The following ATG5 variants were observed in gnomAD, a reference collection of about 807,000 sequenced individuals.
ATG5 encodes autophagy protein 5.
In ATG5, 14 loss-of-function variants were observed where a neutral mutation model predicts 36.5. The ratio of observed to expected loss-of-function variants is 0.38; its 90% CI spans 0.25 to 0.60. The LOEUF is 0.60. Ranked by LOEUF, ATG5 falls within the 20% of genes least tolerant of loss-of-function variation. The pLI, the probability that ATG5 is intolerant of heterozygous loss-of-function variation, is 0.60. For missense variants in ATG5, 195 were observed against 326.7 expected, an observed-to-expected ratio of 0.60 and a Z score of 3.11; for synonymous variants, 95 against 101.5, an observed-to-expected ratio of 0.94 and a Z score of 0.38.
intron 5 of ATG5, among the ~76,000 whole-genome samples, chr6:106,256,834 T>A (rs1778819589): frequency 6.6e-6 from 1 of 152,192 alleles, no homozygotes; most frequent in South Asian, 2.1e-4. Flanking sequence ...ATTACTATAC[T>A]CTACTGTAGA....
chr6:106,226,634 T>G (rs1240774692), intron 6 of ATG5, among the ~76,000 whole-genome samples: 2 of 152,258 alleles, frequency 1.3e-5, no homozygotes, highest in Non-Finnish European at 2.9e-5. Context: ...TAGTTCTGTC[T>G]GGTCTAGAAC....
rs76436532 is a variant in ATG5, at chr6:106,242,629, C to CAA, written c.573+5519_573+5520dup. Among the ~76,000 whole-genome samples the CAA allele has an allele frequency of 2.6e-5, 4 of 151,282 alleles. No individual in the cohort carries two copies. The East Asian group carries it at 7.8e-4, about 29-fold the overall frequency. On this transcript the variant is annotated intron_variant, in intron 6 of 7. Transcript: ENST00000369076. ...GGAAAAATACTATAAATAACAACAA[C>CAA]AAAAAAAACACCTCAAGCAACTTAC...
chr6:106,268,295 C>G (rs1007838917), intron 5 of ATG5, among the ~76,000 whole-genome samples: 13 of 152,144 alleles, frequency 8.5e-5, no homozygotes, highest in Admixed American at 8.5e-4. Flanking sequence ...CTTCACTGAT[C>G]ATTAGAGAAA....
At chr6:106,231,914 G>C (rs1014473611) in intron 6 of ATG5, among the ~76,000 whole-genome samples, 11 of 152,162 alleles carry the variant, frequency 7.2e-5, no homozygotes, top group African/African-American at 2.7e-4. Flanking sequence ...GGAAAAGCTA[G>C]GCAAATCAAA....
chr6:106,213,695 TTGGTTGGAA>T (rs1776938100), intron 6 of ATG5, among the ~76,000 whole-genome samples: 1 of 152,128 alleles, frequency 6.6e-6, no homozygotes, highest in East Asian at 1.9e-4. Context: ...TAACAAAGGT[TTGGTTGGAA>T]TCCCAACTCC....
chr6:106,186,769 T>C (rs757282744), intron 7 of ATG5, 93 bp from the exon 8 acceptor site: 1 of 1,413,688 alleles, frequency 7.1e-7, no homozygotes, highest in Non-Finnish European at 9.7e-7. Context: ...GTGCATTAAA[T>C]GGATTTTAAA....
At chr6:106,260,948 C>T (rs537004642) in intron 5 of ATG5, among the ~76,000 whole-genome samples, 3 of 152,268 alleles carry the variant, frequency 2.0e-5, no homozygotes, top group South Asian at 4.1e-4. Flanking sequence ...CAAATGATTT[C>T]TAGGCTTTTG....
At chr6:106,219,672 A>G (rs1380176627) in intron 6 of ATG5, among the ~76,000 whole-genome samples, 2 of 152,134 alleles carry the variant, frequency 1.3e-5, no homozygotes, top group African/African-American at 2.4e-5. Context: ...GAATTTGGTA[A>G]CCCAGGGAGG....
chr6:106,323,021 G>A (rs191416354), intron 1 of ATG5, among the ~76,000 whole-genome samples: 1,683 of 152,032 alleles, frequency 0.011, 16 homozygotes, highest in African/African-American at 0.02. Context: ...CCGGGTTCAT[G>A]CCATTCTCCT....
chr6:106,268,492 G>A (rs1183019427), intron 5 of ATG5, among the ~76,000 whole-genome samples: 1 of 152,156 alleles, frequency 6.6e-6, no homozygotes, highest in Non-Finnish European at 1.5e-5. Context: ...TCTACAGCCA[G>A]AAATACCATT....
rs530738017 is a variant in ATG5, at chr6:106,212,331, C to T, written c.574-10242G>A. ...TGTGCTTGTTCATGCCCAAAAGCTA[C>T]CTTCCAAAATTAAAAACCCTATTGG... On this transcript the variant is annotated intron_variant, in intron 6 of 7. Transcript: ENST00000369076. 3.9e-5 allele frequency among the ~76,000 whole-genome samples: 6 copies of T among 152,312 alleles called. No homozygotes were observed. The East Asian group carries it at 9.6e-4, about 24-fold the overall frequency.
chr6:106,302,962 T>C (rs1694739282), intron 3 of ATG5, among the ~76,000 whole-genome samples: 1 of 152,028 alleles, frequency 6.6e-6, no homozygotes, highest in East Asian at 1.9e-4. Flanking sequence ...CTACCATGGT[T>C]AAGATGGTAA....
At chr6:106,311,125 C>A (rs934421033) in intron 2 of ATG5, among the ~76,000 whole-genome samples, 2 of 152,136 alleles carry the variant, frequency 1.3e-5, no homozygotes, top group Non-Finnish European at 2.9e-5. Flanking sequence ...AAATTAGAGA[C>A]CTTTCTAGGA....
Position 106,265,574 on chromosome 6 carries a change from G to T in ATG5, c.478+14087C>A, listed in dbSNP as rs371926984. Among the ~76,000 whole-genome samples, 118 of 152,226 alleles carry T rather than the reference G, an allele frequency of 7.8e-4. 1 individual carries two copies. In the South Asian group the frequency reaches 0.023, roughly 29 times the overall value. On this transcript the variant is annotated intron_variant, in intron 5 of 7. Coordinates refer to ENST00000369076, the MANE Select transcript of ATG5 (RefSeq NM_004849.4). ...CATTCTTCTCAGCACCACATAGCAT[G>T]TGTATTCTAAAATCGACCACATAAT... is the stretch of plus-strand genomic sequence containing the variant.
intron 7 of ATG5, 30 bp from the exon 8 acceptor site, chr6:106,186,706 A>C: frequency 6.2e-7 from 1 of 1,609,172 alleles, no homozygotes; most frequent in Non-Finnish European, 8.5e-7. Flanking sequence ...CAACAACAAT[A>C]AAAGTCAAAA....
chr6:106,243,784 T>C (rs751193138), intron 6 of ATG5, among the ~76,000 whole-genome samples: 16 of 151,714 alleles, frequency 1.1e-4, no homozygotes, highest in Non-Finnish European at 2.2e-4. Context: ...TGAGCCGAGA[T>C]TGCACTAGTG....
intron 5 of ATG5, among the ~76,000 whole-genome samples, chr6:106,263,704 C>A (rs997443066): frequency 2.0e-5 from 3 of 151,998 alleles, no homozygotes; most frequent in Non-Finnish European, 4.4e-5. Context: ...CTGGTGATAC[C>A]CAGGCGAACA....
At chr6:106,301,289 G>A (rs1289530669) in intron 3 of ATG5, among the ~76,000 whole-genome samples, 1 of 151,860 alleles carries the variant, frequency 6.6e-6, no homozygotes, top group African/African-American at 2.4e-5. Flanking sequence ...TCTACAAATC[G>A]ACAACAACAA....
rs1778430550 is a variant in ATG5 at position 106,248,301 on chromosome 6, T to G, written c.479-57A>C. ...ATGAACAACATTATAATGGAATACC[T>G]CACATGAAGAGATGAAAGTTTTAAA... On this transcript the variant is annotated intron_variant, in intron 5 of 7. Coordinates refer to ENST00000369076, the MANE Select transcript of ATG5 (RefSeq NM_004849.4). 3 of 1,263,772 alleles carry G rather than the reference T, an allele frequency of 2.4e-6. No homozygotes were observed. In the African/African-American group the frequency reaches 4.5e-5, roughly 19 times the overall value. 78.3% of individuals were successfully genotyped at this position (1,263,772 alleles called of 1,614,324 possible).
Sources: gnomAD v4.1 joint callset for allele counts (sites outside exome capture counted in the v4.1 genomes callset) on GRCh38, gnomAD v4.1.1 for gene constraint, MANE v1.5 for transcripts, NCBI Gene and HGNC (gene_info 2026-07-23, HGNC 2026-07-21) for gene names.